The following COG5 variants were observed in gnomAD, a reference collection of about 807,000 sequenced individuals.
COG5 encodes the protein conserved oligomeric Golgi complex subunit 5.
A neutral mutation model predicts 110.4 loss-of-function variants in COG5; 86 were observed. The observed-to-expected ratio is 0.78, with a 90% CI of 0.65 to 0.93. The LOEUF (loss-of-function observed/expected upper bound fraction) is 0.93. Among genes scored for constraint, COG5 ranks in the 40% least tolerant of loss-of-function variants. The pLI is 0.00. For missense variants in COG5, 1,077 were observed against 987.0 expected (o/e 1.09, Z -1.22); for synonymous variants, 360 against 334.6 (o/e 1.08, Z -0.83).
intron 18 of COG5, among the ~76,000 whole-genome samples, chr7:107,233,975 G>A (rs1584551384): frequency 6.6e-6 from 1 of 152,120 alleles, no homozygotes; most frequent in African/African-American, 2.4e-5. Flanking sequence ...GTGGGTGGGG[G>A]AGACCATGAC....
chr7:107,457,358 A>T (rs1563046217), intron 6 of COG5, among the ~76,000 whole-genome samples: 2 of 147,748 alleles, frequency 1.4e-5, no homozygotes, highest in Non-Finnish European at 3.0e-5. Flanking sequence ...TAAAGCTATG[A>T]GGAGAAAAAA....
intron 16 of COG5, among the ~76,000 whole-genome samples, chr7:107,252,467 T>C (rs1802590648): frequency 6.6e-6 from 1 of 151,352 alleles, no homozygotes; most frequent in Non-Finnish European, 1.5e-5. Context: ...TACTAAACAC[T>C]TGAGGAAGAA....
chr7:107,308,260 C>G (rs897720297), intron 11 of COG5, among the ~76,000 whole-genome samples: 1 of 152,142 alleles, frequency 6.6e-6, no homozygotes, highest in African/African-American at 2.4e-5. Context: ...CTTGAAATAA[C>G]TGAGGAGCTT....
intron 7 of COG5, among the ~76,000 whole-genome samples, chr7:107,400,833 C>A (rs181140612): frequency 1.6e-3 from 244 of 152,008 alleles, no homozygotes; most frequent in African/African-American, 5.2e-3. Flanking sequence ...AACATGACTG[C>A]ATATAGAAAC....
chr7:107,475,470 T>C (rs1796916955), intron 6 of COG5: 2 of 586,240 alleles, frequency 3.4e-6, no homozygotes, highest in African/African-American at 3.8e-5. Flanking sequence ...GTATTGGTTA[T>C]GTTGTAAATT....
At chr7:107,443,405 G>A (rs1028981542) in intron 6 of COG5, among the ~76,000 whole-genome samples, 4 of 152,074 alleles carry the variant, frequency 2.6e-5, no homozygotes, top group African/African-American at 7.2e-5. Context: ...AAGTGGTTTC[G>A]GGGAATAATA....
chr7:107,391,451 A>G (rs1790617927), intron 7 of COG5, among the ~76,000 whole-genome samples: 1 of 152,118 alleles, frequency 6.6e-6, no homozygotes, highest in African/African-American at 2.4e-5. Flanking sequence ...ACTCTATTGA[A>G]TATTTCCTTT....
At chr7:107,433,946 C>A (rs1009117500) in intron 6 of COG5, among the ~76,000 whole-genome samples, 1 of 151,834 alleles carries the variant, frequency 6.6e-6, no homozygotes, top group African/African-American at 2.4e-5. Flanking sequence ...ATAAAGAAAT[C>A]CTACAATTAA....
At chr7:107,273,799 A>G (rs1413362737) in intron 14 of COG5, among the ~76,000 whole-genome samples, 1 of 152,102 alleles carries the variant, frequency 6.6e-6, no homozygotes, top group Non-Finnish European at 1.5e-5. Context: ...AAAACTTCAT[A>G]TTCTGGAATG....
At chr7:107,282,509 T>C (rs768464247) in intron 13 of COG5, among the ~76,000 whole-genome samples, 6 of 152,166 alleles carry the variant, frequency 3.9e-5, no homozygotes, top group Non-Finnish European at 8.8e-5. Context: ...ATGTATATTA[T>C]TATACATGTG....
At chr7:107,415,848 AT>A (rs1186738350) in intron 6 of COG5, among the ~76,000 whole-genome samples, 1 of 94,202 alleles carries the variant, frequency 1.1e-5, no homozygotes, top group African/African-American at 3.7e-5. Flanking sequence ...GTGTGTATAT[AT>A]ACACACACAT....
intron 11 of COG5, among the ~76,000 whole-genome samples, chr7:107,306,193 A>G (rs1157162660): frequency 6.6e-6 from 1 of 152,178 alleles, no homozygotes; most frequent in African/African-American, 2.4e-5. Context: ...CATAAAAAAT[A>G]TAATTGTCTA....
intron 17 of COG5, among the ~76,000 whole-genome samples, chr7:107,240,459 G>T (rs1801525238): frequency 6.6e-6 from 1 of 152,144 alleles, no homozygotes; most frequent in African/African-American, 2.4e-5. Context: ...CAAGTGATCT[G>T]CCTGCCTCGG....
chr7:107,401,076 G>A (rs1241103051), intron 7 of COG5, among the ~76,000 whole-genome samples: 1 of 152,074 alleles, frequency 6.6e-6, no homozygotes, highest in Non-Finnish European at 1.5e-5. Context: ...TACGTATGCT[G>A]TTTGTTTTTG....
At chr7:107,375,894 C>A (rs958349468) in intron 7 of COG5, among the ~76,000 whole-genome samples, 1 of 151,974 alleles carries the variant, frequency 6.6e-6, no homozygotes, top group African/African-American at 2.4e-5. Flanking sequence ...CCCCACCCCA[C>A]ATTCATAAAG....
At chr7:107,310,599 C>T (rs952696406) in intron 11 of COG5, among the ~76,000 whole-genome samples, 1 of 152,136 alleles carries the variant, frequency 6.6e-6, no homozygotes, top group Non-Finnish European at 1.5e-5. Flanking sequence ...ACCCAAAAGG[C>T]TGGACAAATT....
chr7:107,409,657 T>C (rs1792131408), intron 7 of COG5, among the ~76,000 whole-genome samples: 1 of 152,206 alleles, frequency 6.6e-6, no homozygotes, highest in East Asian at 1.9e-4. Flanking sequence ...AGGAAAAGGT[T>C]GAAGATTCAG....
intron 16 of COG5, among the ~76,000 whole-genome samples, chr7:107,252,323 T>C (rs1562934446): frequency 6.6e-6 from 1 of 152,106 alleles, no homozygotes; most frequent in Non-Finnish European, 1.5e-5. Flanking sequence ...ACCTTCAACA[T>C]CACAAAGTAT....
chr7:107,218,380 C>T (rs2116277863), intron 19 of COG5, among the ~76,000 whole-genome samples: 1 of 152,110 alleles, frequency 6.6e-6, no homozygotes, highest in South Asian at 2.1e-4. Flanking sequence ...CCATAAAAAT[C>T]CCTGATTAGC....
Sources: gnomAD v4.1 joint callset for allele counts (sites outside exome capture counted in the v4.1 genomes callset) on GRCh38, gnomAD v4.1.1 for gene constraint, MANE v1.5 for transcripts, NCBI Gene and HGNC (gene_info 2026-07-23, HGNC 2026-07-21) for gene names.